The following CDH13 variants were observed in gnomAD, a reference collection of about 807,000 sequenced individuals.
CDH13 encodes cadherin-13.
CDH13 carries 24 observed loss-of-function variants against 63.8 expected under a neutral mutation model. The ratio of observed to expected loss-of-function variants is 0.38; its 90% CI spans 0.27 to 0.53. The LOEUF (loss-of-function observed/expected upper bound fraction) is 0.53, where lower values mean the gene tolerates loss of function less well. Ranked by LOEUF, CDH13 falls within the 20% of genes least tolerant of loss-of-function variation. The pLI is 0.85. For synonymous variants in CDH13, 503 were observed against 355.3 expected, an observed-to-expected ratio of 1.42 and a Z score of -4.67; for missense variants, 1,049 against 903.1, an observed-to-expected ratio of 1.16 and a Z score of -2.07.
intron 2 of CDH13, among the ~76,000 whole-genome samples, chr16:82,895,982 TG>T (rs2041242838): frequency 6.6e-6 from 1 of 152,208 alleles, no homozygotes; most frequent in Non-Finnish European, 1.5e-5. Context: ...AATTTTTTCA[TG>T]GGTAGTGCTT....
At chr16:83,426,489 A>G (rs922777282) in intron 6 of CDH13, among the ~76,000 whole-genome samples, 2 of 148,420 alleles carry the variant, frequency 1.3e-5, no homozygotes, top group Admixed American at 6.9e-5. Context: ...CTCTCATGGA[A>G]ACAACTCCCA....
intron 2 of CDH13, among the ~76,000 whole-genome samples, chr16:82,961,572 T>TTAAAAAAAAAAA (rs774564311): frequency 2.9e-5 from 3 of 103,386 alleles, no homozygotes; most frequent in African/African-American, 1.2e-4. Context: ...GCAGGGGACT[T>TTAAAAAAAAAAA]AAAAAAAAAA....
At chr16:82,852,142 C>G (rs1567600745) in intron 1 of CDH13, among the ~76,000 whole-genome samples, 1 of 152,156 alleles carries the variant, frequency 6.6e-6, no homozygotes, top group Non-Finnish European at 1.5e-5. Context: ...CAGGAAGTTT[C>G]TCTCTTTATT....
intron 6 of CDH13, among the ~76,000 whole-genome samples, chr16:83,361,059 A>G (rs62042583): frequency 0.016 from 2,462 of 152,286 alleles, 26 homozygotes; most frequent in Middle Eastern, 0.027. Context: ...CACGAACAGT[A>G]TATAAGCTTT....
intron 10 of CDH13, among the ~76,000 whole-genome samples, chr16:83,708,681 C>T (rs1467329881): frequency 1.3e-5 from 2 of 152,148 alleles, no homozygotes; most frequent in Non-Finnish European, 2.9e-5. Context: ...GGTCTTTAGA[C>T]GACCTTAGAT....
At chr16:83,536,955 G>C (rs930045732) in intron 7 of CDH13, among the ~76,000 whole-genome samples, 2 of 152,210 alleles carry the variant, frequency 1.3e-5, no homozygotes, top group African/African-American at 4.8e-5. Context: ...CATGCCACAG[G>C]TGTTTCATCT....
chr16:83,794,846 T>C (rs1003113768), intron 13 of CDH13, among the ~76,000 whole-genome samples, 177 bp from the exon 14 acceptor site: 7 of 152,038 alleles, frequency 4.6e-5, no homozygotes, highest in African/African-American at 1.7e-4. Flanking sequence ...TTTTACCATA[T>C]AACCATTCAT....
chr16:83,512,473 A>C lies in CDH13; in HGVS notation c.960+25818A>C, dbSNP rs946944409. ...ATCACGAGGTCAGGAGTTTGAGACC[A>C]GCCTGGCCAATATGATGAAACCGAT... On this transcript the variant is annotated intron_variant, in intron 7 of 13. Transcript: ENST00000567109. Among the ~76,000 whole-genome samples the C allele has an allele frequency of 1.1e-4, 17 of 151,128 alleles. 1 individual carries two copies. The highest frequency in any genetic ancestry group is 2.4e-4 in the Non-Finnish European group (16 of 67,820).
chr16:82,930,184 C>G (rs1231215456), intron 2 of CDH13, among the ~76,000 whole-genome samples: 1 of 151,790 alleles, frequency 6.6e-6, no homozygotes, highest in Admixed American at 6.6e-5. Flanking sequence ...TGCCAGTTGG[C>G]TAGGCTGGTC....
chr16:83,048,295 A>G (rs961759609), intron 3 of CDH13, among the ~76,000 whole-genome samples: 2 of 152,244 alleles, frequency 1.3e-5, no homozygotes, highest in Non-Finnish European at 2.9e-5. Context: ...TGAAATTAAT[A>G]AATTGATACT....
chr16:82,762,691 G>T (rs1180288538), intron 1 of CDH13, among the ~76,000 whole-genome samples: 1 of 152,122 alleles, frequency 6.6e-6, no homozygotes, highest in Admixed American at 6.6e-5. Context: ...GGACTTCCTG[G>T]AGGGGTTCCC....
intron 5 of CDH13, among the ~76,000 whole-genome samples, chr16:83,225,563 G>A (rs189349798): frequency 2.0e-5 from 3 of 152,164 alleles, no homozygotes; most frequent in African/African-American, 4.8e-5. Flanking sequence ...TGTAATTCCT[G>A]ATAGGGGAAA....
chr16:83,340,212 T>C (rs10514575), intron 5 of CDH13, among the ~76,000 whole-genome samples: 10,750 of 152,268 alleles, frequency 0.071, 530 homozygotes, highest in Non-Finnish European at 0.11. Context: ...TAGAAGGACA[T>C]TGGAAAAAAT....
intron 4 of CDH13, among the ~76,000 whole-genome samples, chr16:83,142,949 C>A (rs974959742): frequency 3.9e-5 from 6 of 152,154 alleles, no homozygotes; most frequent in African/African-American, 1.4e-4. Flanking sequence ...ACTGAAAATA[C>A]AAAATTAGCT....
intron 7 of CDH13, among the ~76,000 whole-genome samples, chr16:83,570,960 TATATATATATAA>T (rs899105259): frequency 4.4e-5 from 6 of 136,966 alleles, no homozygotes; most frequent in Admixed American, 7.6e-5. Context: ...TATATATATA[TATATATATATAA>T]AAACCTTCTG....
chr16:82,931,662 C>T (rs1309208184), intron 2 of CDH13, among the ~76,000 whole-genome samples: 2 of 151,964 alleles, frequency 1.3e-5, no homozygotes, highest in African/African-American at 2.4e-5. Context: ...GCTGGGGAGG[C>T]CTCACAATCA....
At chr16:83,164,446 G>T (rs1273409754) in intron 4 of CDH13, among the ~76,000 whole-genome samples, 3 of 152,068 alleles carry the variant, frequency 2.0e-5, no homozygotes, top group Non-Finnish European at 4.4e-5. Context: ...TGTCTAAGCA[G>T]GTGATTTTGA....
rs760173386 is a variant in CDH13 at position 82,817,329 on chromosome 16, C to T, written c.46-41033C>T. Among the ~76,000 whole-genome samples, 38 of 152,078 alleles carry T rather than the reference C, an allele frequency of 2.5e-4. 1 individual carries two copies. The highest frequency in any genetic ancestry group is 5.8e-4 in the East Asian group (3 of 5,186). ...TAATGAGCAGCTCTTCTTAGCTCAG[C>T]GTGCTCACTGTCTTTAGGAATGGTT... On this transcript the variant is annotated intron_variant, in intron 1 of 13. Coordinates refer to ENST00000567109, the MANE Select transcript of CDH13 (RefSeq NM_001257.5).
chr16:82,677,282 C>T (rs1914039154), intron 1 of CDH13, among the ~76,000 whole-genome samples: 1 of 152,166 alleles, frequency 6.6e-6, no homozygotes, highest in Non-Finnish European at 1.5e-5. Flanking sequence ...TGGGAAACAT[C>T]ACCCCTCAGT....
Sources: allele counts gnomAD v4.1 joint callset (sites outside exome capture counted in the v4.1 genomes callset), GRCh38; gene constraint gnomAD v4.1.1; transcripts MANE v1.5; gene names NCBI Gene and HGNC (gene_info 2026-07-23, HGNC 2026-07-21).